Variants in AGBL4 observed in about 807,000 individuals in gnomAD.
AGBL4 encodes the protein AGBL carboxypeptidase 4.
A neutral mutation model predicts 66.4 loss-of-function variants in AGBL4; 58 were observed. That is an observed-to-expected ratio of 0.87 (90% confidence interval 0.71 to 1.09). AGBL4 has a LOEUF of 1.09. Ranked by LOEUF, AGBL4 falls within the 50% of genes least tolerant of loss-of-function variation. The probability of loss-of-function intolerance (pLI) is 0.00; values close to 1 mark genes in which losing one functional copy is unlikely to be tolerated. For missense variants in AGBL4, 579 were observed against 631.0 expected, an observed-to-expected ratio of 0.92 and a Z score of 0.88; for synonymous variants, 234 against 222.9, an observed-to-expected ratio of 1.05 and a Z score of -0.44.
chr1:49,874,466 T>C (rs1008076529), intron 1 of AGBL4, among the ~76,000 whole-genome samples: 23 of 152,120 alleles, frequency 1.5e-4, no homozygotes, highest in Admixed American at 1.1e-3. Flanking sequence ...AAAAACCCAA[T>C]AAAGTTTATC....
Position 48,590,848 on chromosome 1 carries a change from A to G in AGBL4, c.1089T>C (p.Ala363=). The change falls in exon 10 of 14, where the codon GCT becomes GCC. Residue 363 remains alanine, a synonymous_variant. Coordinates refer to ENST00000371839, the MANE Select transcript of AGBL4 (RefSeq NM_032785.4). ...AIFPKLLCQN[A]EDFSYSSTSF... is the part of the protein sequence containing the mutation. ...CCTGGCTTACATAGGAGAAGTCCTCAGCATTCTGGCAGAGGAGCTTGGGAA... is the reference window on the plus strand; with the variant it reads ...CCTGGCTTACATAGGAGAAGTCCTCGGCATTCTGGCAGAGGAGCTTGGGAA... 6.2e-7 allele frequency: 1 copy of G among 1,603,010 alleles called. No homozygotes were observed. Among genetic ancestry groups the G allele is most frequent in the East Asian group, 2.2e-5 (1 of 44,618 alleles).
intron 11 of AGBL4, among the ~76,000 whole-genome samples, chr1:48,551,723 C>G (rs1644251595): frequency 6.6e-6 from 1 of 152,034 alleles, no homozygotes; most frequent in Admixed American, 6.5e-5. Flanking sequence ...GGTTTCCTCT[C>G]CTGTAAAATT....
At chr1:49,588,239 A>G (rs1338810896) in intron 3 of AGBL4, among the ~76,000 whole-genome samples, 3 of 152,152 alleles carry the variant, frequency 2.0e-5, no homozygotes, top group Non-Finnish European at 2.9e-5. Flanking sequence ...ATAATACACC[A>G]TAATGCTTTG....
rs563266952 is a variant in AGBL4 at position 49,655,283 on chromosome 1, G to A, written c.282+42030C>T. On this transcript the variant is annotated intron_variant, in intron 3 of 13. Transcript: ENST00000371839. ...ATTAGCCCCCACTCTCTTCTGGCTTGTAGAGTTTCTGCCAAGAGATCAGCT... is the reference window on the plus strand; with the variant it reads ...ATTAGCCCCCACTCTCTTCTGGCTTATAGAGTTTCTGCCAAGAGATCAGCT... Among the ~76,000 whole-genome samples the A allele has an allele frequency of 1.4e-4, 22 of 152,300 alleles. No individual in the cohort carries two copies. The East Asian group carries it at 3.9e-3, about 27-fold the overall frequency.
intron 1 of AGBL4, among the ~76,000 whole-genome samples, chr1:50,001,417 TTGTG>T (rs35073061): frequency 0.083 from 12,160 of 146,922 alleles, 678 homozygotes; most frequent in African/African-American, 0.17. Flanking sequence ...AAAAAATAAT[TTGTG>T]TGTGTGTGTG....
chr1:49,929,093 C>T (rs975114908), intron 1 of AGBL4, among the ~76,000 whole-genome samples: 4 of 152,100 alleles, frequency 2.6e-5, no homozygotes, highest in African/African-American at 9.7e-5. Context: ...CATATTCTCA[C>T]TTATAAGTGG....
intron 1 of AGBL4, among the ~76,000 whole-genome samples, chr1:49,973,334 T>C (rs1296003216): frequency 2.0e-5 from 3 of 152,200 alleles, no homozygotes; most frequent in Non-Finnish European, 1.5e-5. Flanking sequence ...TGGTAGCTAC[T>C]ACATACCTGT....
intron 3 of AGBL4, among the ~76,000 whole-genome samples, chr1:49,357,122 G>C (rs1370255154): frequency 6.6e-6 from 1 of 152,154 alleles, no homozygotes; most frequent in Non-Finnish European, 1.5e-5. Context: ...AAGTGACTGG[G>C]GGCAAAAGAG....
At chr1:48,975,101 A>G (rs1224975644) in intron 5 of AGBL4, among the ~76,000 whole-genome samples, 1 of 152,126 alleles carries the variant, frequency 6.6e-6, no homozygotes, top group East Asian at 1.9e-4. Flanking sequence ...TCTCATAAAA[A>G]TCCAGAAGCC....
chr1:49,913,943 T>C (rs1056393534), intron 1 of AGBL4, among the ~76,000 whole-genome samples: 10 of 152,144 alleles, frequency 6.6e-5, no homozygotes, highest in Non-Finnish European at 1.2e-4. Context: ...TAAAAACAAT[T>C]CTTCCCTCCT....
chr1:49,942,286 C>A (rs878889938), intron 1 of AGBL4, among the ~76,000 whole-genome samples: 20 of 151,970 alleles, frequency 1.3e-4, no homozygotes, highest in Admixed American at 1.3e-4. Flanking sequence ...GAATTCAAAG[C>A]AACCCCTATG....
intron 4 of AGBL4, chr1:49,174,711 G>T (rs1486692575): frequency 6.6e-6 from 1 of 152,034 alleles, no homozygotes; most frequent in Admixed American, 6.6e-5. Context: ...TTCTCTATTA[G>T]AAAGTCCACT....
intron 5 of AGBL4, among the ~76,000 whole-genome samples, chr1:48,981,763 G>T (rs1354168148): frequency 6.6e-6 from 1 of 152,064 alleles, no homozygotes; most frequent in Admixed American, 6.6e-5. Context: ...TGCGTGCTTG[G>T]AATCTACTAC....
chr1:48,728,825 A>G (rs1369181034), intron 6 of AGBL4, among the ~76,000 whole-genome samples: 2 of 152,230 alleles, frequency 1.3e-5, no homozygotes, highest in Non-Finnish European at 2.9e-5. Context: ...GTATGCAAGT[A>G]GTACTGGTTG....
chr1:49,365,472 T>C (rs1167358987), intron 3 of AGBL4, among the ~76,000 whole-genome samples: 1 of 151,574 alleles, frequency 6.6e-6, no homozygotes, highest in Non-Finnish European at 1.5e-5. Context: ...GTTCAAACAA[T>C]AGAAGCTATG....
At chr1:49,925,577 A>G (rs1250250262) in intron 1 of AGBL4, among the ~76,000 whole-genome samples, 1 of 152,046 alleles carries the variant, frequency 6.6e-6, no homozygotes, top group African/African-American at 2.4e-5. Context: ...TGGACTCGTG[A>G]GGTCTCTGAT....
intron 4 of AGBL4, among the ~76,000 whole-genome samples, chr1:49,118,704 G>T (rs1174284933): frequency 6.6e-6 from 1 of 152,066 alleles, no homozygotes; most frequent in African/African-American, 2.4e-5. Context: ...GGATGATGCT[G>T]GTCTCATAAA....
At chr1:49,188,393 C>CA (rs1469229831) in intron 4 of AGBL4, among the ~76,000 whole-genome samples, 1 of 152,134 alleles carries the variant, frequency 6.6e-6, no homozygotes, top group Non-Finnish European at 1.5e-5. Flanking sequence ...CTTGGCTGCT[C>CA]ACCCACTAGA....
chr1:49,719,882 C>G (rs1397148773), intron 2 of AGBL4, among the ~76,000 whole-genome samples: 2 of 152,062 alleles, frequency 1.3e-5, no homozygotes, highest in Non-Finnish European at 2.9e-5. Context: ...CTCCTTGCTG[C>G]TGCCATGTGA....
Sources: gnomAD v4.1 joint callset for allele counts (sites outside exome capture counted in the v4.1 genomes callset) on GRCh38, gnomAD v4.1.1 for gene constraint, MANE v1.5 for transcripts, NCBI Gene and HGNC (gene_info 2026-07-23, HGNC 2026-07-21) for gene names.